AMER1: variants seen among roughly 807,000 people sequenced by gnomAD.
AMER1 encodes RP11-403E24.2.
Under a neutral mutation model 53.0 loss-of-function variants are expected in AMER1, and 16 were observed. The ratio of observed to expected loss-of-function variants is 0.30; its 90% CI spans 0.20 to 0.46. The LOEUF is 0.46. Ranked by LOEUF, AMER1 falls within the 20% of genes least tolerant of loss-of-function variation. The pLI, the probability that AMER1 is intolerant of heterozygous loss-of-function variation, is 1.00. For missense variants in AMER1, 947 were observed against 884.9 expected (o/e 1.07, Z -0.89); for synonymous variants, 354 against 331.9 (o/e 1.07, Z -0.73).
chrX:64,201,052 A>T (rs764711819), intron 1 of AMER1, among the ~76,000 whole-genome samples: 10 of 111,157 alleles, frequency 9.0e-5, no homozygotes, highest in Non-Finnish European at 1.3e-4. Context: ...TGAAACCTCT[A>T]TGCTGAAAAA....
chrX:64,202,361 G>T (rs367662380), intron 1 of AMER1, among the ~76,000 whole-genome samples: 2 of 111,853 alleles, frequency 1.8e-5, no homozygotes, highest in Non-Finnish European at 3.8e-5. Flanking sequence ...TAAGATGAGG[G>T]GGATGGTTAA....
chrX:64,203,347 G>A (rs933729342), intron 1 of AMER1, among the ~76,000 whole-genome samples: 4 of 111,636 alleles, frequency 3.6e-5, no homozygotes, highest in African/African-American at 6.5e-5. Context: ...CAGGACAAGC[G>A]CAAGTTGGAA....
intron 1 of AMER1, among the ~76,000 whole-genome samples, chrX:64,204,365 G>C (rs1463813176): frequency 8.8e-6 from 1 of 114,061 alleles, no homozygotes; most frequent in Non-Finnish European, 1.9e-5. Flanking sequence ...GCCAAACGGA[G>C]ACCAGCTCTG....
At position 64,186,160 on chromosome X, in the gene AMER1, G is replaced by A. The variant is rs775512788; in HGVS notation, c.*3719C>T. 38 of 1,208,558 alleles carry A rather than the reference G, an allele frequency of 3.1e-5. No individual in the cohort carries two copies. The highest frequency in any genetic ancestry group is 4.0e-5 in the Non-Finnish European group (36 of 894,571). On this transcript the variant is annotated 3_prime_UTR_variant, in exon 2 of 2. Transcript: ENST00000374869. ...CTGAGTCACTTGGCGTTTGTCTTCAGTACCTGGGCATCTTCTGCTGTCCCT... is the reference window on the plus strand; with the variant it reads ...CTGAGTCACTTGGCGTTTGTCTTCAATACCTGGGCATCTTCTGCTGTCCCT...
Position 64,187,139 on chromosome X carries a change from G to A in AMER1, c.*2740C>T, listed in dbSNP as rs1930126471. ...GTCTGTGTTTGGAAACAGGCCTGAA[G>A]CTTGGCTGGCTCTCCCAATGTCACC... is the stretch of plus-strand genomic sequence containing the variant. On this transcript the variant is annotated 3_prime_UTR_variant, in exon 2 of 2. Coordinates refer to ENST00000374869, the MANE Select transcript of AMER1 (RefSeq NM_152424.4). 5 of 784,871 alleles carry A rather than the reference G, an allele frequency of 6.4e-6. No individual in the cohort carries two copies. The highest frequency in any genetic ancestry group is 7.6e-6 in the Non-Finnish European group (5 of 658,448). The allele number at this position is 784,871 out of a possible 1,213,427, so 64.7% of individuals were successfully genotyped here.
Position 64,189,710 on chromosome X carries a change from T to C in AMER1, c.*169A>G, listed in dbSNP as rs1930196713. On this transcript the variant is annotated 3_prime_UTR_variant, in exon 2 of 2. Transcript: ENST00000374869. ...CACTTGAGTTGAACGTGGCCATAGA[T>C]GGCAGAAGAGGCAAGTGGGAAAACC... The C allele has an allele frequency of 2.7e-6, 3 of 1,105,692 alleles. No homozygotes were observed. Among genetic ancestry groups the C allele is most frequent in the Non-Finnish European group, 3.6e-6 (3 of 845,067 alleles). 91.1% of individuals were successfully genotyped at this position (1,105,692 alleles called of 1,213,427 possible).
chrX:64,201,963 A>G (rs748033309), intron 1 of AMER1, among the ~76,000 whole-genome samples: 1 of 112,098 alleles, frequency 8.9e-6, no homozygotes, highest in Non-Finnish European at 1.9e-5. Flanking sequence ...CAGCCTTCCA[A>G]GTAGCTGGGA....
chrX:64,189,793 A>ACGGGGCCCCCCCCCC lies in AMER1; in HGVS notation c.*85_*86insGGGGGGGGGGCCCCG. On this transcript the variant is annotated 3_prime_UTR_variant, in exon 2 of 2. Coordinates refer to ENST00000374869, the MANE Select transcript of AMER1 (RefSeq NM_152424.4). ...CAAAGGGTTTTCAAGTTAAACAACA[A>ACGGGGCCCCCCCCCC]CCCCCACCCCCCCACCCTTCTGCCC... 1 of 292,069 alleles carries ACGGGGCCCCCCCCCC rather than the reference A, an allele frequency of 3.4e-6. No homozygotes were observed. The highest frequency in any genetic ancestry group is 1.7e-4 in the East Asian group (1 of 5,962). 24.1% of individuals were successfully genotyped at this position (292,069 alleles called of 1,213,427 possible).
In AMER1 at chrX:64,188,228, G is replaced by A; in HGVS notation, c.*1651C>T. ...AACAGGCATGGAGATGGTGGGATGT[G>A]AGGGCGAGGGTGCAATAATCATAAT... On this transcript the variant is annotated 3_prime_UTR_variant, in exon 2 of 2. Coordinates refer to ENST00000374869, the MANE Select transcript of AMER1 (RefSeq NM_152424.4). The A allele has an allele frequency of 1.2e-6, 1 of 804,590 alleles. No homozygotes were observed. The highest frequency in any genetic ancestry group is 1.5e-6 in the Non-Finnish European group (1 of 670,050). The allele number at this position is 804,590 out of a possible 1,213,427, so 66.3% of individuals were successfully genotyped here. A position where few individuals can be genotyped will look rare whatever the true frequency, so the allele number is the denominator to read the frequency against.
At chrX:64,197,975 C>A (rs890766604) in intron 1 of AMER1, among the ~76,000 whole-genome samples, 1 of 112,562 alleles carries the variant, frequency 8.9e-6, no homozygotes, top group African/African-American at 3.2e-5. Context: ...TTTATTCAAA[C>A]TGTGGTAGAA....
chrX:64,191,121 G>T lies in AMER1; in HGVS notation c.2166C>A (p.Phe722Leu), dbSNP rs746848263. 8.2e-7 allele frequency: 1 copy of T among 1,212,142 alleles called. No individual in the cohort carries two copies. Among genetic ancestry groups the T allele is most frequent in the South Asian group, 1.8e-5 (1 of 57,005 alleles). The stretch of plus-strand genomic sequence containing the variant: ...CTGGCTCAAACATGGCATCACTCTG[G>T]AAGAGCTGCATCAGGCAGGTACTTT... ...KDQSTCLMQL[F>L]QSDAMFEPDM... The change falls in exon 2 of 2, where the codon TTC (phenylalanine) becomes TTA (leucine). Residue 722 changes from phenylalanine to leucine, a missense_variant. Transcript: ENST00000374869.
intron 1 of AMER1, among the ~76,000 whole-genome samples, chrX:64,203,445 G>T (rs1930533840): frequency 9.0e-6 from 1 of 111,611 alleles, no homozygotes; most frequent in African/African-American, 3.3e-5. Context: ...GCTTTGAGAG[G>T]GTTGTGGCTG....
chrX:64,192,680 T>C lies in AMER1; in HGVS notation c.607A>G (p.Arg203Gly). Residue 203 changes from arginine to glycine, a missense_variant, in exon 2 of 2, where the codon AGG (arginine) becomes GGG (glycine). Transcript: ENST00000374869. ...GCTGAGCTCACGTGCTCATGAGGCCTGGCTCTGACCCTCTCAGGCCCCTTG... is the reference window on the plus strand; with the variant it reads ...GCTGAGCTCACGTGCTCATGAGGCCCGGCTCTGACCCTCTCAGGCCCCTTG... The part of the protein sequence containing the change: ...GAKGPERVRA[R>G]PHEHVSSAPQ... 1 of 1,170,967 alleles carries C rather than the reference T, an allele frequency of 8.5e-7. No homozygotes were observed. Among genetic ancestry groups the C allele is most frequent in the Non-Finnish European group, 1.1e-6 (1 of 877,306 alleles).
At position 64,189,291 on chromosome X, in the gene AMER1, G is replaced by T; in HGVS notation, c.*588C>A. On this transcript the variant is annotated 3_prime_UTR_variant, in exon 2 of 2. Coordinates refer to ENST00000374869, the MANE Select transcript of AMER1 (RefSeq NM_152424.4). Reference sequence around the variant, plus strand: ...AAAGGAATAGGGGTGGGGAGGATCTGTACCATAATTTCACATTGCTAATAG... The same window carrying T: ...AAAGGAATAGGGGTGGGGAGGATCTTTACCATAATTTCACATTGCTAATAG... 1.3e-6 allele frequency: 1 copy of T among 791,867 alleles called. No homozygotes were observed. 65.3% of individuals were successfully genotyped at this position (791,867 alleles called of 1,213,427 possible).
Position 64,193,052 on chromosome X carries a change from T to C in AMER1, c.235A>G (p.Lys79Glu). 8.3e-7 allele frequency: 1 copy of C among 1,211,924 alleles called. No individual in the cohort carries two copies. The highest frequency in any genetic ancestry group is 1.1e-6 in the Non-Finnish European group (1 of 895,523). The change falls in exon 2 of 2, where the codon AAA (lysine) becomes GAA (glutamate). Residue 79 changes from lysine (K) to glutamate (E), a missense_variant. Lys to Glu is a moderately conservative substitution (Grantham distance 56). Coordinates refer to ENST00000374869, the MANE Select transcript of AMER1 (RefSeq NM_152424.4). ...LPSFFGGGRS[K>E]GSGKGSSKKG... The stretch of plus-strand genomic sequence containing the variant: ...TTGGAGCTGCCTTTCCCAGAACCTT[T>C]GCTCCGTCCCCCTCCAAAGAAACTA...
At position 64,191,975 on chromosome X, in the gene AMER1, G is replaced by T; in HGVS notation, c.1312C>A (p.Leu438Ile). 8.3e-7 allele frequency: 1 copy of T among 1,211,996 alleles called. No individual in the cohort carries two copies. The highest frequency in any genetic ancestry group is 1.1e-6 in the Non-Finnish European group (1 of 895,570). Residue 438 changes from leucine to isoleucine, a missense_variant, in exon 2 of 2, where the codon CTC (leucine) becomes ATC (isoleucine). Coordinates refer to ENST00000374869, the MANE Select transcript of AMER1 (RefSeq NM_152424.4). ...TTSPGHHGYM[L>I]LDPVRSYPGL... The stretch of plus-strand genomic sequence containing the variant: ...GGATAAGACCTAACTGGGTCAAGGA[G>T]CATGTAGCCGTGGTGGCCTGGGGAT...
rs2147089037 is a variant in AMER1, at chrX:64,192,180, C to T, written c.1107G>A (p.Gly369=). ...SSCLVTYQGG[G]EEMALPDDDD... is the part of the protein sequence containing the mutation. ...CATCATCTGGCAAGGCCATCTCCTC[C>T]CCACCTCCTTGGTAGGTCACCAGGC... is the stretch of plus-strand genomic sequence containing the variant. Residue 369 remains glycine (G), a synonymous_variant, in exon 2 of 2, where the codon GGG becomes GGA. Coordinates refer to ENST00000374869, the MANE Select transcript of AMER1 (RefSeq NM_152424.4). 1 of 1,211,987 alleles carries T rather than the reference C, an allele frequency of 8.3e-7. No homozygotes were observed. The highest frequency in any genetic ancestry group is 1.1e-6 in the Non-Finnish European group (1 of 895,504).
intron 1 of AMER1, among the ~76,000 whole-genome samples, chrX:64,197,442 T>C (rs771960662): frequency 2.7e-5 from 3 of 112,939 alleles, no homozygotes; most frequent in Non-Finnish European, 3.8e-5. Context: ...GCCACATACC[T>C]GCCCTAGAGA....
Position 64,185,969 on chromosome X carries a change from C to T in AMER1, c.*3910G>A, listed in dbSNP as rs1930096943. ...AAACTCAACAAGACAAATAGCACAA[C>T]ATGGGCACTCTGATTTCAAAACTAA... On this transcript the variant is annotated 3_prime_UTR_variant, in exon 2 of 2. Coordinates refer to ENST00000374869, the MANE Select transcript of AMER1 (RefSeq NM_152424.4). The T allele has an allele frequency of 8.0e-6, 4 of 497,343 alleles. No homozygotes were observed. The highest frequency in any genetic ancestry group is 3.7e-4 in the Middle Eastern group (1 of 2,737). The allele number at this position is 497,343 out of a possible 1,213,427, so 41.0% of individuals were successfully genotyped here. A position where few individuals can be genotyped will look rare whatever the true frequency, so the allele number is the denominator to read the frequency against.
Sources: gnomAD v4.1 joint callset for allele counts (sites outside exome capture counted in the v4.1 genomes callset) on GRCh38, gnomAD v4.1.1 for gene constraint, MANE v1.5 for transcripts, NCBI Gene and HGNC (gene_info 2026-07-23, HGNC 2026-07-21) for gene names.